PCDHGA3: variants seen among roughly 807,000 people sequenced by gnomAD.
The protein encoded by PCDHGA3 is protocadherin gamma-A3.
In PCDHGA3, 40 loss-of-function variants were observed where a neutral mutation model predicts 58.5. The ratio of observed to expected loss-of-function variants is 0.68; its 90% CI spans 0.53 to 0.89. The LOEUF (loss-of-function observed/expected upper bound fraction) is 0.89, where lower values mean the gene tolerates loss of function less well. Among genes scored for constraint, PCDHGA3 ranks in the 40% least tolerant of loss-of-function variants. PCDHGA3 has a pLI of 0.00. For missense variants in PCDHGA3, 1,223 were observed against 1,195.9 expected (o/e 1.02, Z -0.33); for synonymous variants, 530 against 525.7 (o/e 1.01, Z -0.11).
At chr5:141,456,777 A>G (rs572940615) in intron 1 of PCDHGA3, among the ~76,000 whole-genome samples, 2 of 152,214 alleles carry the variant, frequency 1.3e-5, no homozygotes, top group Admixed American at 6.5e-5. Flanking sequence ...AGCCTGGCCT[A>G]CATGGCAAAA....
intron 1 of PCDHGA3, chr5:141,377,576 A>G (rs1241799520): frequency 1.3e-5 from 2 of 151,642 alleles, no homozygotes; most frequent in African/African-American, 2.4e-5. Context: ...AGCCTGGGAG[A>G]CAGAATGAGA....
chr5:141,437,217 T>G (rs2097868672), intron 1 of PCDHGA3, among the ~76,000 whole-genome samples: 1 of 152,230 alleles, frequency 6.6e-6, no homozygotes, highest in Admixed American at 6.5e-5. Flanking sequence ...TTATTCTGAT[T>G]CCAGTCATAA....
intron 1 of PCDHGA3, chr5:141,423,620 C>G: frequency 6.2e-7 from 1 of 1,608,268 alleles, no homozygotes; most frequent in Non-Finnish European, 8.5e-7. Flanking sequence ...GCTGAAGACT[C>G]AGCTATCATT....
chr5:141,389,094 A>G (rs2091600869), intron 1 of PCDHGA3: 4 of 1,613,928 alleles, frequency 2.5e-6, no homozygotes, highest in Admixed American at 1.7e-5. Flanking sequence ...TAAATTAGTG[A>G]CAGATGCTGT....
At position 141,490,181 on chromosome 5, in the gene PCDHGA3, G is replaced by A. The variant is rs755899660; in HGVS notation, c.2425-4626G>A. ...GGTCCCATAGACTTTGAGGAGTCACGTTTCTATGAAATTCATGCAAGAGCC... is the reference window on the plus strand; with the variant it reads ...GGTCCCATAGACTTTGAGGAGTCACATTTCTATGAAATTCATGCAAGAGCC... On this transcript the variant is annotated intron_variant, in intron 1 of 3. Coordinates refer to ENST00000253812, the MANE Select transcript of PCDHGA3 (RefSeq NM_018916.4). This position sits in a 1 kb window ranked among gnomAD's most constrained non-coding sequence, Gnocchi z 5.4. The A allele has an allele frequency of 9.9e-6, 16 of 1,614,200 alleles. No homozygotes were observed. Among genetic ancestry groups the A allele is most frequent in the Middle Eastern group, 1.6e-4 (1 of 6,062 alleles).
At position 141,432,395 on chromosome 5, in the gene PCDHGA3, G is replaced by A; in HGVS notation, c.2425-62412G>A. 6.2e-7 allele frequency: 1 copy of A among 1,614,240 alleles called. No individual in the cohort carries two copies. ...CGGGCACCCGCCCCTCAGCAGCAAC[G>A]TGTCGTTGAGCCTGTTCGTGCTGGA... On this transcript the variant is annotated intron_variant, in intron 1 of 3. Coordinates refer to ENST00000253812, the MANE Select transcript of PCDHGA3 (RefSeq NM_018916.4). This position sits in a 1 kb window ranked among gnomAD's most constrained non-coding sequence, Gnocchi z 6.0.
chr5:141,365,739 C>G (rs368437640), intron 1 of PCDHGA3: 1 of 1,613,674 alleles, frequency 6.2e-7, no homozygotes, highest in African/African-American at 1.3e-5. Context: ...AGAGGTGTCT[C>G]TATCTTCTCT....
At chr5:141,376,144 G>A (rs753001081) in intron 1 of PCDHGA3, 6 of 1,613,800 alleles carry the variant, frequency 3.7e-6, no homozygotes, top group South Asian at 1.1e-5. Context: ...CCAACGATTC[G>A]GACCTCACTC....
intron 1 of PCDHGA3, chr5:141,408,186 G>A (rs529140572): frequency 1.7e-4 from 266 of 1,542,242 alleles, no homozygotes; most frequent in Non-Finnish European, 2.2e-4. Flanking sequence ...GGGACCCAGC[G>A]AGAACCCGAG....
Position 141,417,739 on chromosome 5 carries a change from C to G in PCDHGA3, c.2424+71282C>G, listed in dbSNP as rs1002260902. On this transcript the variant is annotated intron_variant, in intron 1 of 3. Transcript: ENST00000253812. The stretch of plus-strand genomic sequence containing the variant: ...GGCTGCGCAGACCTTGCCCAGCACA[C>G]CAGATTGCCAGCTCCGAGACCCGGG... 1.6e-5 allele frequency: 22 copies of G among 1,411,706 alleles called. No homozygotes were observed. In the African/African-American group the frequency reaches 1.7e-4, roughly 11 times the overall value. The allele number at this position is 1,411,706 out of a possible 1,614,324, so 87.4% of individuals were successfully genotyped here.
chr5:141,414,318 G>A (rs1212643655), intron 1 of PCDHGA3: 1 of 1,613,772 alleles, frequency 6.2e-7, no homozygotes, highest in Non-Finnish European at 8.5e-7. Context: ...TAGACTCTGA[G>A]CAGAATGGAC....
At chr5:141,412,479 T>G (rs1282087411) in intron 1 of PCDHGA3, 1 of 152,180 alleles carries the variant, frequency 6.6e-6, no homozygotes, top group African/African-American at 2.4e-5. Context: ...TTTAAAAACC[T>G]CTTACACAAT....
intron 1 of PCDHGA3, chr5:141,375,618 G>A (rs1771662447): frequency 6.2e-7 from 1 of 1,614,078 alleles, no homozygotes; most frequent in Non-Finnish European, 8.5e-7. Context: ...TCCGACACTG[G>A]GATTCTGTAC....
At chr5:141,500,877 A>ATT (rs369345007) in intron 2 of PCDHGA3, among the ~76,000 whole-genome samples, 3 of 122,284 alleles carry the variant, frequency 2.5e-5, no homozygotes, top group Admixed American at 2.4e-4. Flanking sequence ...TTCATTTACA[A>ATT]TTTTTTTTTT....
At chr5:141,364,394 A>G in intron 1 of PCDHGA3, 2 of 1,603,510 alleles carry the variant, frequency 1.2e-6, no homozygotes, top group South Asian at 1.1e-5. Context: ...GCTCCTGGGG[A>G]CGCTGTGCGA....
intron 1 of PCDHGA3, chr5:141,356,656 C>T (rs1197287768): frequency 1.9e-6 from 3 of 1,613,882 alleles, no homozygotes; most frequent in East Asian, 4.5e-5. Flanking sequence ...TGACAATGCC[C>T]GAATCACTTA....
At chr5:141,371,248 G>T in intron 1 of PCDHGA3, 1 of 1,614,024 alleles carries the variant, frequency 6.2e-7, no homozygotes, top group East Asian at 2.2e-5. Context: ...ATCAATATTG[G>T]CAAGGAAGTG....
At chr5:141,394,821 G>A (rs2093106496) in intron 1 of PCDHGA3, 2 of 1,613,744 alleles carry the variant, frequency 1.2e-6, no homozygotes, top group East Asian at 2.2e-5. Flanking sequence ...CAGCATCCCC[G>A]AAGTCCTGAC....
intron 1 of PCDHGA3, chr5:141,422,190 A>G (rs761351024): frequency 6.4e-7 from 1 of 1,561,412 alleles, no homozygotes. Flanking sequence ...TGGAAATTCA[A>G]GGCCAAGATG....
Sources: allele counts gnomAD v4.1 joint callset (sites outside exome capture counted in the v4.1 genomes callset), GRCh38; gene constraint gnomAD v4.1.1; non-coding constraint Gnocchi (gnomAD v3.1); transcripts MANE v1.5; gene names NCBI Gene and HGNC (gene_info 2026-07-23, HGNC 2026-07-21).